Variants in POLR3B observed in about 807,000 individuals in gnomAD.
POLR3B encodes RNA polymerase III subunit B.
Under a neutral mutation model 147.4 loss-of-function variants are expected in POLR3B, and 96 were observed. The observed-to-expected ratio is 0.65, with a 90% CI of 0.55 to 0.77. The LOEUF (loss-of-function observed/expected upper bound fraction) is 0.77. Ranked by LOEUF, POLR3B falls within the 30% of genes least tolerant of loss-of-function variation. The pLI is 0.00. For synonymous variants in POLR3B, 461 were observed against 485.9 expected (o/e 0.95, Z 0.67); for missense variants, 1,036 against 1,413.5 (o/e 0.73, Z 4.28).
chr12:106,504,809 G>C lies in POLR3B; in HGVS notation c.3272+555G>C, dbSNP rs192001646. Among the ~76,000 whole-genome samples, 8 of 152,306 alleles carry C rather than the reference G, an allele frequency of 5.3e-5. No homozygotes were observed. The highest frequency in any genetic ancestry group is 7.4e-5 in the Non-Finnish European group (5 of 68,020). ...TTCTGTGAGGGCAGAAACCGGGTCT[G>C]TCTCAGTAATTTATTCAGCAAACAT... On this transcript the variant is annotated intron_variant, in intron 27 of 27. Transcript: ENST00000228347. This position sits in a 1 kb window ranked among gnomAD's most constrained non-coding sequence, Gnocchi z 4.6.
chr12:106,437,107 T>A lies in POLR3B; in HGVS notation c.1832T>A (p.Met611Lys). Residue 611 changes from methionine to lysine, a missense_variant, in exon 17 of 28, where the codon ATG (methionine) becomes AAG (lysine). Physicochemically the swap from Met to Lys is moderately conservative, Grantham distance 95 (BLOSUM62 -1). Around this residue, in one of 12 missense-constraint regions of POLR3B, gnomAD observed 177 missense variants for 232.7 expected, o/e 0.76. Transcript: ENST00000228347. ...AAGCCAGCAGTCACAAATAAACATA[T>A]GGAAGAGCTGGCCCAAGGGTACAGG... Reference protein sequence around the residue: ...KQKPAVTNKHMEELAQGYRNF... With the variant: ...KQKPAVTNKHKEELAQGYRNF... The A allele has an allele frequency of 6.2e-7, 1 of 1,613,382 alleles. No homozygotes were observed. Among genetic ancestry groups the A allele is most frequent in the Non-Finnish European group, 8.5e-7 (1 of 1,179,682 alleles).
Position 106,414,287 on chromosome 12 carries a change from G to A in POLR3B, c.1101+3327G>A, listed in dbSNP as rs188689281. 1.9e-3 allele frequency among the ~76,000 whole-genome samples: 277 copies of A among 149,538 alleles called. 1 individual carries two copies. Among genetic ancestry groups the A allele is most frequent in the Non-Finnish European group, 2.9e-3 (196 of 67,562 alleles). On this transcript the variant is annotated intron_variant, in intron 12 of 27. Transcript: ENST00000228347. ...TAATTCCAGTATCTAATGTTCTAAA[G>A]CTGCTGAGTTAGTTGTTTTTGATTA...
chr12:106,369,002 A>G (rs2036568190), intron 4 of POLR3B, among the ~76,000 whole-genome samples: 1 of 151,742 alleles, frequency 6.6e-6, no homozygotes. Flanking sequence ...TTGCTCTTTC[A>G]TTAAGTATCA....
intron 23 of POLR3B, among the ~76,000 whole-genome samples, chr12:106,494,600 A>T (rs184182054): frequency 4.6e-5 from 7 of 152,290 alleles, no homozygotes; most frequent in African/African-American, 1.7e-4. Context: ...TAGATTTCCC[A>T]GTAGCCCTAG....
chr12:106,398,303 C>T (rs866069468), intron 10 of POLR3B, among the ~76,000 whole-genome samples: 10 of 151,900 alleles, frequency 6.6e-5, no homozygotes, highest in African/African-American at 9.7e-5. Flanking sequence ...CCACCATTGC[C>T]GAGACTTGAT....
intron 12 of POLR3B, among the ~76,000 whole-genome samples, chr12:106,412,666 G>A (rs1593026976): frequency 6.6e-6 from 1 of 152,180 alleles, no homozygotes; most frequent in East Asian, 1.9e-4. Flanking sequence ...ATGCATATTT[G>A]CAAATTTGTC....
intron 10 of POLR3B, among the ~76,000 whole-genome samples, chr12:106,400,245 A>G (rs1179068469): frequency 1.3e-5 from 2 of 152,364 alleles, no homozygotes; most frequent in East Asian, 3.9e-4. Context: ...GAAGGCCATT[A>G]CATAATGGTA....
intron 10 of POLR3B, among the ~76,000 whole-genome samples, chr12:106,393,738 G>C (rs947515982): frequency 1.4e-5 from 2 of 140,304 alleles, no homozygotes; most frequent in South Asian, 4.9e-4. Flanking sequence ...GGAATTTTAG[G>C]GCAAGACTCA....
Position 106,357,865 on chromosome 12 carries a change from T to G in POLR3B, c.-15T>G, listed in dbSNP as rs761305811. 23 of 1,612,762 alleles carry G rather than the reference T, an allele frequency of 1.4e-5. No individual in the cohort carries two copies. Among genetic ancestry groups the G allele is most frequent in the Non-Finnish European group, 1.9e-5 (22 of 1,179,692 alleles). On this transcript the variant is annotated 5_prime_UTR_variant, in exon 1 of 28. Coordinates refer to ENST00000228347, the MANE Select transcript of POLR3B (RefSeq NM_018082.6). ...CGCGGAGGTTCTATCTGTTTCTTCC[T>G]CCTTCGTGAGCAGCATGGACGTGCT...
chr12:106,399,369 A>T (rs896977034), intron 10 of POLR3B, among the ~76,000 whole-genome samples: 9 of 152,360 alleles, frequency 5.9e-5, no homozygotes, highest in Non-Finnish European at 1.3e-4. Context: ...CCTGAAAGTG[A>T]CAGGGAGAAT....
chr12:106,410,877 C>T lies in POLR3B; in HGVS notation c.1018C>T (p.Arg340Ter), dbSNP rs148879912. 1.9e-5 allele frequency: 30 copies of T among 1,613,240 alleles called. No individual in the cohort carries two copies. The highest frequency in any genetic ancestry group is 3.3e-5 in the South Asian group (3 of 91,068). The change falls in exon 12 of 28, where the codon CGA becomes TGA. Residue 340 changes from arginine to a stop codon, truncating the protein, a stop_gained. Coordinates refer to ENST00000228347, the MANE Select transcript of POLR3B (RefSeq NM_018082.6). LOFTEE classifies it high-confidence loss of function. ...ATGTATCTATACTGCAGTGATGGTG[C>T]GAAGAGTTATTCTGGCCCAAGGAGA... ...AKCIYTAVMVRRVILAQGDNK... is the reference protein window; with the variant it reads ...AKCIYTAVMV
intron 23 of POLR3B, among the ~76,000 whole-genome samples, chr12:106,477,932 C>T (rs764610606): frequency 3.5e-4 from 38 of 109,208 alleles, no homozygotes; most frequent in Non-Finnish European, 5.9e-4. Context: ...GGAGACAGAG[C>T]CTCACTCTGT....
chr12:106,502,173 T>A (rs1365404650), intron 26 of POLR3B, among the ~76,000 whole-genome samples: 1 of 152,108 alleles, frequency 6.6e-6, no homozygotes, highest in African/African-American at 2.4e-5. Context: ...GCTGGGGAAG[T>A]AGCTACTGGC....
chr12:106,376,479 C>T (rs2036680912), intron 7 of POLR3B, 29 bp downstream of exon 7: 2 of 1,457,418 alleles, frequency 1.4e-6, no homozygotes, highest in Non-Finnish European at 1.9e-6. Context: ...ATTTGTCCCA[C>T]TTTCCTTATT....
At chr12:106,470,183 G>T (rs1373991401) in intron 23 of POLR3B, among the ~76,000 whole-genome samples, 1 of 152,000 alleles carries the variant, frequency 6.6e-6, no homozygotes, top group Non-Finnish European at 1.5e-5. Flanking sequence ...TTGTCTTCTT[G>T]ATTTATTTCA....
At chr12:106,407,463 G>C (rs2037165381) in intron 11 of POLR3B, among the ~76,000 whole-genome samples, 1 of 152,162 alleles carries the variant, frequency 6.6e-6, no homozygotes, top group South Asian at 2.1e-4. Flanking sequence ...CACTATAACT[G>C]AGAAGAATGT....
At chr12:106,420,929 T>C (rs1275001204) in intron 12 of POLR3B, among the ~76,000 whole-genome samples, 2 of 152,198 alleles carry the variant, frequency 1.3e-5, no homozygotes, top group African/African-American at 4.8e-5. Flanking sequence ...AACTTTTGCA[T>C]TTTTTAATTT....
chr12:106,432,921 A>G (rs920555730), intron 15 of POLR3B, among the ~76,000 whole-genome samples: 1 of 152,158 alleles, frequency 6.6e-6, no homozygotes, highest in African/African-American at 2.4e-5. Context: ...CTCACACTCC[A>G]GTTATTTCTT....
At chr12:106,423,800 A>G (rs1024332395) in intron 12 of POLR3B, among the ~76,000 whole-genome samples, 1 of 151,768 alleles carries the variant, frequency 6.6e-6, no homozygotes. Context: ...CCTTCTGGGC[A>G]TTCCTTAACC....
Sources: allele counts gnomAD v4.1 joint callset (sites outside exome capture counted in the v4.1 genomes callset), GRCh38; gene constraint gnomAD v4.1.1; regional missense constraint gnomAD v4.1.1; non-coding constraint Gnocchi (gnomAD v3.1); transcripts MANE v1.5; gene names NCBI Gene and HGNC (gene_info 2026-07-23, HGNC 2026-07-21).